Variants in PTPRM observed in about 807,000 individuals in gnomAD.
PTPRM encodes receptor-type tyrosine-protein phosphatase mu.
In PTPRM, 47 loss-of-function variants were observed where a neutral mutation model predicts 186.7. The ratio of observed to expected loss-of-function variants is 0.25; its 90% CI spans 0.20 to 0.32. The LOEUF (loss-of-function observed/expected upper bound fraction) is 0.32. PTPRM is among the 10% of genes least tolerant of loss of function. PTPRM has a pLI of 1.00. For synonymous variants in PTPRM, 668 were observed against 674.9 expected (o/e 0.99, Z 0.16); for missense variants, 1,494 against 1,865.0 (o/e 0.80, Z 3.66).
chr18:7,583,985 C>CT (rs2036911900), intron 1 of PTPRM, among the ~76,000 whole-genome samples: 1 of 152,070 alleles, frequency 6.6e-6, no homozygotes, highest in South Asian at 2.1e-4. Flanking sequence ...GTAAAGAAAA[C>CT]ATGTAGATCT....
intron 9 of PTPRM, 103 bp downstream of exon 9, chr18:8,076,667 A>T: frequency 1.7e-6 from 1 of 596,212 alleles, no homozygotes; most frequent in South Asian, 2.7e-5. Flanking sequence ...AATATATTTT[A>T]AGAAGTTTAA....
chr18:8,241,064 A>C (rs2094430115), intron 14 of PTPRM, among the ~76,000 whole-genome samples: 2 of 152,230 alleles, frequency 1.3e-5, no homozygotes, highest in African/African-American at 4.8e-5. Flanking sequence ...GCAGTGGCTC[A>C]TGCCTGTAAT....
intron 19 of PTPRM, among the ~76,000 whole-genome samples, chr18:8,265,165 G>T (rs994420390): frequency 1.3e-5 from 2 of 152,202 alleles, no homozygotes; most frequent in East Asian, 3.8e-4. Context: ...CGTTGACAGC[G>T]CCAATTCTGC....
chr18:8,015,554 C>A (rs886749444), intron 7 of PTPRM, among the ~76,000 whole-genome samples: 3 of 149,618 alleles, frequency 2.0e-5, no homozygotes, highest in Admixed American at 1.4e-4. Flanking sequence ...ACCAGATTGA[C>A]AACTCTGATT....
chr18:8,186,415 G>A (rs1208360616), intron 14 of PTPRM, among the ~76,000 whole-genome samples: 3 of 151,696 alleles, frequency 2.0e-5, no homozygotes, highest in Non-Finnish European at 2.9e-5. Flanking sequence ...TTTTTATTTA[G>A]CTTAATATGT....
chr18:7,597,612 G>A (rs529927430), intron 1 of PTPRM, among the ~76,000 whole-genome samples: 41 of 152,220 alleles, frequency 2.7e-4, no homozygotes, highest in African/African-American at 8.4e-4. Flanking sequence ...TAAAGTTTCC[G>A]TCCCTGCTTC....
At chr18:7,993,029 A>G (rs1445756346) in intron 7 of PTPRM, among the ~76,000 whole-genome samples, 1 of 151,918 alleles carries the variant, frequency 6.6e-6, no homozygotes, top group Non-Finnish European at 1.5e-5. Context: ...AAAAAACATT[A>G]ATGACATATC....
intron 2 of PTPRM, among the ~76,000 whole-genome samples, chr18:7,792,263 G>A (rs1317342519): frequency 6.6e-6 from 1 of 152,204 alleles, no homozygotes; most frequent in Admixed American, 6.5e-5. Context: ...ATTCTTCATA[G>A]TGGTCTGTAT....
chr18:7,867,561 A>T (rs4531823), intron 2 of PTPRM, among the ~76,000 whole-genome samples: 1 of 151,982 alleles, frequency 6.6e-6, no homozygotes, highest in South Asian at 2.1e-4. Context: ...TTCTGCTGAG[A>T]GATCTGCTGT....
chr18:7,593,668 C>T (rs905136244), intron 1 of PTPRM, among the ~76,000 whole-genome samples: 7 of 152,186 alleles, frequency 4.6e-5, no homozygotes, highest in Non-Finnish European at 7.3e-5. Context: ...CAATCACTTA[C>T]GTCCACTTTC....
At chr18:8,349,766 A>G (rs2095524487) in intron 23 of PTPRM, among the ~76,000 whole-genome samples, 2 of 152,292 alleles carry the variant, frequency 1.3e-5, no homozygotes, top group African/African-American at 4.8e-5. Flanking sequence ...GCCCAATCCA[A>G]TGTCAAGCCA....
At chr18:8,376,746 C>T (rs2095698271) in intron 26 of PTPRM, 149 bp downstream of exon 26, 1 of 1,017,470 alleles carries the variant, frequency 9.8e-7, no homozygotes, top group Admixed American at 3.1e-5. Context: ...TCCCTCCCTC[C>T]CTTCCCCCTT....
chr18:7,984,948 CAT>C (rs1309656535), intron 7 of PTPRM, among the ~76,000 whole-genome samples: 1 of 106,186 alleles, frequency 9.4e-6, no homozygotes, highest in Admixed American at 1.1e-4. Flanking sequence ...CATATATATA[CAT>C]ATATAATTAT....
intron 23 of PTPRM, chr18:8,366,987 A>G (rs373123129): frequency 1.3e-5 from 2 of 152,206 alleles, no homozygotes; most frequent in African/African-American, 4.8e-5. Flanking sequence ...CTGGGCTCCA[A>G]CGGGCACCTC....
Position 8,378,347 on chromosome 18 carries a change from C to G in PTPRM, c.3545C>G (p.Ser1182Cys), listed in dbSNP as rs1458003086. Residue 1182 changes from serine (S) to cysteine (C), a missense_variant, in exon 27 of 33, where the codon TCT (serine) becomes TGT (cysteine). Ser to Cys is a moderately radical substitution (Grantham distance 112). Transcript: ENST00000580170. ...DTSVPASQVR[S>C]LYYDMNKLDP... ...TCTGTGCCTGCTTCCCAAGTTAGGT[C>G]TCTGTATTATGACATGAACAAACTG... 8 of 1,613,922 alleles carry G rather than the reference C, an allele frequency of 5.0e-6. No individual in the cohort carries two copies. The highest frequency in any genetic ancestry group is 5.9e-6 in the Non-Finnish European group (7 of 1,179,798).
intron 14 of PTPRM, among the ~76,000 whole-genome samples, chr18:8,197,999 A>T (rs753484806): frequency 3.9e-5 from 6 of 152,166 alleles, no homozygotes; most frequent in Non-Finnish European, 5.9e-5. Flanking sequence ...GGGTAGAAAC[A>T]GCCACCCTTG....
At chr18:8,221,089 C>T (rs1234822789) in intron 14 of PTPRM, among the ~76,000 whole-genome samples, 3 of 152,064 alleles carry the variant, frequency 2.0e-5, no homozygotes, top group African/African-American at 7.2e-5. Context: ...TTTCCTCCCA[C>T]TAAACTATTG....
At chr18:8,119,946 A>G (rs2092109292) in intron 13 of PTPRM, among the ~76,000 whole-genome samples, 5 of 152,096 alleles carry the variant, frequency 3.3e-5, no homozygotes, top group Admixed American at 3.3e-4. Flanking sequence ...ATTATAAAAG[A>G]GAATATCACC....
intron 20 of PTPRM, among the ~76,000 whole-genome samples, chr18:8,303,852 G>C (rs1053193005): frequency 2.6e-5 from 4 of 152,168 alleles, no homozygotes; most frequent in African/African-American, 9.7e-5. Flanking sequence ...TCTCCACCGG[G>C]TAAGGCGCCA....
Sources: allele counts gnomAD v4.1 joint callset (sites outside exome capture counted in the v4.1 genomes callset), GRCh38; gene constraint gnomAD v4.1.1; transcripts MANE v1.5; gene names NCBI Gene and HGNC (gene_info 2026-07-23, HGNC 2026-07-21).